Variants in MRPS25 observed in about 807,000 individuals in gnomAD.
MRPS25 encodes mitochondrial ribosomal protein S25, also known as small ribosomal subunit protein mS25.
Under a neutral mutation model 17.3 loss-of-function variants are expected in MRPS25, and 15 were observed. That is an observed-to-expected ratio of 0.87 (90% CI 0.58 to 1.34). The LOEUF (loss-of-function observed/expected upper bound fraction) is 1.34, where lower values mean the gene tolerates loss of function less well. Ranked by LOEUF, MRPS25 falls within the 40% of genes most tolerant of loss-of-function variation. The pLI is 0.00. For synonymous variants in MRPS25, 94 were observed against 83.3 expected, an observed-to-expected ratio of 1.13 and a Z score of -0.70; for missense variants, 225 against 218.6, an observed-to-expected ratio of 1.03 and a Z score of -0.19.
At position 15,057,163 on chromosome 3, in the gene MRPS25, G is replaced by C. The variant is rs77181960; in HGVS notation, c.241+2206C>G. 4.9e-3 allele frequency among the ~76,000 whole-genome samples: 743 copies of C among 152,326 alleles called. 12 individuals are homozygous for C. The highest frequency in any genetic ancestry group is 0.039 in the East Asian group (202 of 5,176). On this transcript the variant is annotated intron_variant, in intron 2 of 3. Coordinates refer to ENST00000253686, the MANE Select transcript of MRPS25 (RefSeq NM_022497.5). ...ACTGCTGGGATCTGCGCAGCACTTGGGCAGCCCGTGCTCTCCCTGGCCGGG... is the reference window on the plus strand; with the variant it reads ...ACTGCTGGGATCTGCGCAGCACTTGCGCAGCCCGTGCTCTCCCTGGCCGGG...
rs1392828584 is a variant in MRPS25 at position 15,059,415 on chromosome 3, C to T, written c.195G>A (p.Met65Ile). Residue 65 changes from methionine to isoleucine, a missense_variant, in exon 2 of 4, where the codon ATG becomes ATA. Met to Ile is a conservative substitution (Grantham distance 10). Transcript: ENST00000253686. ...IQYKNPWVQIMMFKNMTPSPF... is the reference protein window; with the variant it reads ...IQYKNPWVQIIMFKNMTPSPF... ...GTGACGGCGTCATGTTCTTAAACAT[C>T]ATGATCTGCACCCAAGGGTTTTTGT... is the stretch of plus-strand genomic sequence containing the variant. 1.2e-6 allele frequency: 2 copies of T among 1,613,840 alleles called. No homozygotes were observed. The highest frequency in any genetic ancestry group is 1.1e-5 in the South Asian group (1 of 91,034).
Position 15,050,157 on chromosome 3 carries a change from AC to A in MRPS25, c.*2283del. On this transcript the variant is annotated 3_prime_UTR_variant, in exon 4 of 4. Transcript: ENST00000253686. Reference sequence around the variant, plus strand: ...TCCAGGATCAAGTAGCCTACAGGGAACAAAAAAAGAAAATAATGTTTATTTC... The same window carrying A: ...TCCAGGATCAAGTAGCCTACAGGGAAAAAAAAAGAAAATAATGTTTATTTC... The A allele has an allele frequency of 7.6e-7, 1 of 1,309,662 alleles. No individual in the cohort carries two copies. 81.1% of individuals were successfully genotyped at this position (1,309,662 alleles called of 1,614,324 possible).
chr3:15,065,001 C>A, intron 1 of MRPS25, 60 bp downstream of exon 1: 1 of 1,551,686 alleles, frequency 6.4e-7, no homozygotes, highest in Non-Finnish European at 8.7e-7. Flanking sequence ...CCTCACGTTA[C>A]CAGCAGGCTG....
intron 1 of MRPS25, among the ~76,000 whole-genome samples, chr3:15,060,849 C>G (rs1575071660): frequency 2.6e-5 from 4 of 152,174 alleles, no homozygotes; most frequent in African/African-American, 9.6e-5. Context: ...CCACTGCACT[C>G]TAGCCTGGGT....
chr3:15,049,807 TG>T lies in MRPS25; in HGVS notation c.*2633del, dbSNP rs1460067438. 3 of 875,526 alleles carry T rather than the reference TG, an allele frequency of 3.4e-6. No homozygotes were observed. The Admixed American group carries it at 7.0e-5, about 20-fold the overall frequency. The allele number at this position is 875,526 out of a possible 1,614,324, so 54.2% of individuals were successfully genotyped here. On this transcript the variant is annotated 3_prime_UTR_variant, in exon 4 of 4. Coordinates refer to ENST00000253686, the MANE Select transcript of MRPS25 (RefSeq NM_022497.5). ...CCTCACTCCGTCACCCAGGCTGGAA[TG>T]CAGTGGTACAGTCATGGCTCACTCC...
chr3:15,050,013 T>C lies in MRPS25; in HGVS notation c.*2428A>G. 2.7e-6 allele frequency: 4 copies of C among 1,468,054 alleles called. No homozygotes were observed. The highest frequency in any genetic ancestry group is 3.6e-6 in the Non-Finnish European group (4 of 1,124,878). 90.9% of individuals were successfully genotyped at this position (1,468,054 alleles called of 1,614,324 possible). ...TGCAAGTAAAATTAAGAACATGTTA[T>C]CAATTATAAAATCCTCACATTTTCT... On this transcript the variant is annotated 3_prime_UTR_variant, in exon 4 of 4. Coordinates refer to ENST00000253686, the MANE Select transcript of MRPS25 (RefSeq NM_022497.5).
chr3:15,057,297 T>G (rs1030914057), intron 2 of MRPS25, among the ~76,000 whole-genome samples: 4 of 152,216 alleles, frequency 2.6e-5, no homozygotes, highest in Non-Finnish European at 4.4e-5. Context: ...CAACCTTCCC[T>G]GCCCGGCCTC....
chr3:15,056,171 C>T (rs1442961904), intron 2 of MRPS25, among the ~76,000 whole-genome samples: 6 of 150,882 alleles, frequency 4.0e-5, no homozygotes, highest in Non-Finnish European at 7.4e-5. Context: ...GCCGAGATCA[C>T]GCCACTGCAC....
chr3:15,059,986 CAAA>C (rs36115372), intron 1 of MRPS25, among the ~76,000 whole-genome samples: 5 of 116,400 alleles, frequency 4.3e-5, no homozygotes, highest in African/African-American at 1.6e-4. Flanking sequence ...AAAGGCCTTG[CAAA>C]AAAAAAAAAA....
chr3:15,047,428 G>A (rs1347144791), downstream of MRPS25: 3 of 152,216 alleles, frequency 2.0e-5, no homozygotes, highest in Admixed American at 6.5e-5. Flanking sequence ...AAAACTAAGT[G>A]GGAATTTTTA....
At position 15,052,163 on chromosome 3, in the gene MRPS25, G is replaced by A; in HGVS notation, c.*278C>T. On this transcript the variant is annotated 3_prime_UTR_variant, in exon 4 of 4. Coordinates refer to ENST00000253686, the MANE Select transcript of MRPS25 (RefSeq NM_022497.5). Reference sequence around the variant, plus strand: ...AACCTCTCAGGCCCAAAGCCTTTCTGCTACACAGGCCTTCCTCTTCACTAG... The same window carrying A: ...AACCTCTCAGGCCCAAAGCCTTTCTACTACACAGGCCTTCCTCTTCACTAG... 8.7e-7 allele frequency: 1 copy of A among 1,155,716 alleles called. No homozygotes were observed. The highest frequency in any genetic ancestry group is 1.1e-6 in the Non-Finnish European group (1 of 937,856). 71.6% of individuals were successfully genotyped at this position (1,155,716 alleles called of 1,614,324 possible).
chr3:15,065,282 C>T lies in MRPS25; in HGVS notation c.-88G>A, dbSNP rs1346792200. 9.0e-6 allele frequency: 13 copies of T among 1,444,198 alleles called. No individual in the cohort carries two copies. Among genetic ancestry groups the T allele is most frequent in the Non-Finnish European group, 1.1e-5 (12 of 1,097,440 alleles). 89.5% of individuals were successfully genotyped at this position (1,444,198 alleles called of 1,614,324 possible). A position where few individuals can be genotyped will look rare whatever the true frequency, so the allele number is the denominator to read the frequency against. ...AGCTAGCACCCGCGCGGATCTCACGCGGCTTCTCCCCAGAGCCAGGTTCCA... is the reference window on the plus strand; with the variant it reads ...AGCTAGCACCCGCGCGGATCTCACGTGGCTTCTCCCCAGAGCCAGGTTCCA... On this transcript the variant is annotated 5_prime_UTR_variant, in exon 1 of 4. Transcript: ENST00000253686.
chr3:15,052,982 G>A (rs536592451), intron 3 of MRPS25, among the ~76,000 whole-genome samples: 11 of 152,210 alleles, frequency 7.2e-5, no homozygotes, highest in Non-Finnish European at 1.5e-4. Context: ...TTCAGCTTCC[G>A]TCCCTTTCTG....
chr3:15,059,421 C>T lies in MRPS25; in HGVS notation c.189G>A (p.Gln63=). ...GCGTCATGTTCTTAAACATCATGATCTGCACCCAAGGGTTTTTGTATTGAA... is the reference window on the plus strand; with the variant it reads ...GCGTCATGTTCTTAAACATCATGATTTGCACCCAAGGGTTTTTGTATTGAA... ...PQIQYKNPWV[Q]IMMFKNMTPS... The change falls in exon 2 of 4, where the codon CAG becomes CAA. Residue 63 remains glutamine (Q), a synonymous_variant. Coordinates refer to ENST00000253686, the MANE Select transcript of MRPS25 (RefSeq NM_022497.5). 3.1e-6 allele frequency: 5 copies of T among 1,613,886 alleles called. No individual in the cohort carries two copies. Among genetic ancestry groups the T allele is most frequent in the Non-Finnish European group, 4.2e-6 (5 of 1,179,852 alleles).
chr3:15,044,861 G>A (rs954141810), downstream of MRPS25: 5 of 152,368 alleles, frequency 3.3e-5, 1 homozygote, highest in Non-Finnish European at 7.3e-5. Context: ...CTTTACGCAA[G>A]TCAGTGTTAG....
downstream of MRPS25, chr3:15,043,610 G>A (rs1476059272): frequency 2.0e-5 from 3 of 152,692 alleles, no homozygotes; most frequent in Non-Finnish European, 2.9e-5. Context: ...CACATGTTGT[G>A]GAGTTGAGCT....
chr3:15,043,188 T>A, downstream of MRPS25: 1 of 444,698 alleles, frequency 2.2e-6, no homozygotes, highest in East Asian at 3.6e-5. Context: ...GATCCTTTCC[T>A]GACATAAGAA....
At chr3:15,042,642 G>A (rs1357734872), downstream of MRPS25, 4 of 565,642 alleles carry the variant, frequency 7.1e-6, no homozygotes, top group African/African-American at 1.9e-5. Context: ...CATACATTTT[G>A]TACTCATTTG....
At chr3:15,056,512 G>C (rs1277559838) in intron 2 of MRPS25, among the ~76,000 whole-genome samples, 1 of 152,214 alleles carries the variant, frequency 6.6e-6, no homozygotes. Context: ...TTAACCCCAT[G>C]GGTCCTTACA....
Sources: allele counts gnomAD v4.1 joint callset (sites outside exome capture counted in the v4.1 genomes callset), GRCh38; gene constraint gnomAD v4.1.1; transcripts MANE v1.5; gene names NCBI Gene and HGNC (gene_info 2026-07-23, HGNC 2026-07-21).